The following MEF2A variants were observed in gnomAD, a reference collection of about 807,000 sequenced individuals.
The protein encoded by MEF2A is myocyte enhancer factor 2A.
MEF2A carries 28 observed loss-of-function variants against 55.8 expected under a neutral mutation model. The ratio of observed to expected loss-of-function variants is 0.50; its 90% CI spans 0.37 to 0.69. The LOEUF (loss-of-function observed/expected upper bound fraction) is 0.69, where lower values mean the gene tolerates loss of function less well. MEF2A is among the 30% of genes least tolerant of loss of function. The pLI is 0.00. For synonymous variants in MEF2A, 239 were observed against 227.1 expected, an observed-to-expected ratio of 1.05 and a Z score of -0.47; for missense variants, 528 against 626.2, an observed-to-expected ratio of 0.84 and a Z score of 1.67.
intron 2 of MEF2A, among the ~76,000 whole-genome samples, chr15:99,613,775 C>G (rs1440798413): frequency 1.3e-5 from 2 of 152,202 alleles, no homozygotes; most frequent in East Asian, 3.8e-4. Context: ...CCCATGGTAG[C>G]ATCAGATAAA....
chr15:99,592,576 G>A (rs1969688537), intron 1 of MEF2A, among the ~76,000 whole-genome samples: 1 of 152,194 alleles, frequency 6.6e-6, no homozygotes, highest in Admixed American at 6.5e-5. Context: ...TTCTGCAGAC[G>A]TACAAGAAGC....
At chr15:99,592,499 C>T (rs1596330944) in intron 1 of MEF2A, among the ~76,000 whole-genome samples, 1 of 152,230 alleles carries the variant, frequency 6.6e-6, no homozygotes, top group South Asian at 2.1e-4. Flanking sequence ...AGTCTGTTTG[C>T]ATTGCTGTAA....
At chr15:99,650,115 T>TA (rs539819251) in intron 4 of MEF2A, among the ~76,000 whole-genome samples, 4 of 150,296 alleles carry the variant, frequency 2.7e-5, no homozygotes, top group Admixed American at 1.3e-4. Flanking sequence ...CTACGGTACT[T>TA]AAAAAAAAAA....
intron 2 of MEF2A, among the ~76,000 whole-genome samples, chr15:99,602,529 T>C (rs1337940891): frequency 1.3e-5 from 2 of 152,128 alleles, no homozygotes; most frequent in African/African-American, 4.8e-5. Flanking sequence ...GATCACCAGC[T>C]TCAGGTGTTT....
At chr15:99,577,317 A>G (rs1006341291) in intron 1 of MEF2A, among the ~76,000 whole-genome samples, 3 of 152,242 alleles carry the variant, frequency 2.0e-5, no homozygotes, top group Non-Finnish European at 4.4e-5. Flanking sequence ...TTATTCTAGA[A>G]GAAACATAAA....
chr15:99,672,203 G>A (rs2051025828), intron 5 of MEF2A, among the ~76,000 whole-genome samples: 1 of 152,130 alleles, frequency 6.6e-6, no homozygotes, highest in African/African-American at 2.4e-5. Context: ...GTTTGTAAAT[G>A]TCCCCAAATC....
In MEF2A at chr15:99,600,422, G is replaced by A. The variant is rs182078128; in HGVS notation, c.-143+1911G>A. On this transcript the variant is annotated intron_variant, in intron 2 of 11. Transcript: ENST00000557942. Reference sequence around the variant, plus strand: ...TGAATAGATTCGTATGTTAACTGGCGAAGCTCAGATTAGAGATTTTCTTTA... The same window carrying A: ...TGAATAGATTCGTATGTTAACTGGCAAAGCTCAGATTAGAGATTTTCTTTA... Among the ~76,000 whole-genome samples, 15 of 152,196 alleles carry A rather than the reference G, an allele frequency of 9.9e-5. No homozygotes were observed. The East Asian group carries it at 1.5e-3, about 16-fold the overall frequency.
chr15:99,702,382 A>T (rs1758785370), intron 8 of MEF2A, among the ~76,000 whole-genome samples: 1 of 151,878 alleles, frequency 6.6e-6, no homozygotes, highest in South Asian at 2.1e-4. Context: ...TGTTTCTAGC[A>T]TGTTAATATT....
chr15:99,622,670 C>T (rs1349269252), intron 2 of MEF2A, among the ~76,000 whole-genome samples: 1 of 150,750 alleles, frequency 6.6e-6, no homozygotes, highest in Non-Finnish European at 1.5e-5. Context: ...GTACAGCCAT[C>T]ACCACCATCC....
rs1175982978 is a variant in MEF2A, at chr15:99,579,262, TTC to T, written c.-225+13160_-225+13161del. Among the ~76,000 whole-genome samples the T allele has an allele frequency of 3.3e-5, 5 of 152,152 alleles. No homozygotes were observed. In the East Asian group the frequency reaches 9.6e-4, roughly 29 times the overall value. ...CAAATGCTTGTTTGAATGTATTTAA[TTC>T]TGTTTAGAGTATTGGCTTATAGTTT... On this transcript the variant is annotated intron_variant, in intron 1 of 11. Transcript: ENST00000557942.
intron 9 of MEF2A, among the ~76,000 whole-genome samples, chr15:99,705,351 A>G (rs2057907071): frequency 6.6e-6 from 1 of 152,196 alleles, no homozygotes; most frequent in Non-Finnish European, 1.5e-5. Context: ...GACAATAAGG[A>G]TATTATCTTA....
intron 3 of MEF2A, among the ~76,000 whole-genome samples, chr15:99,634,014 A>G (rs2043352566): frequency 6.6e-6 from 1 of 152,210 alleles, no homozygotes; most frequent in South Asian, 2.1e-4. Context: ...AGTTCAGAAG[A>G]AAGAAGGAAA....
chr15:99,683,822 C>T (rs139675948), intron 7 of MEF2A, among the ~76,000 whole-genome samples: 2 of 152,056 alleles, frequency 1.3e-5, no homozygotes, highest in East Asian at 1.9e-4. Flanking sequence ...AGCAGTGTAC[C>T]CTGTACCCAA....
chr15:99,603,822 TTC>T (rs1463012365), intron 2 of MEF2A, among the ~76,000 whole-genome samples: 2 of 152,288 alleles, frequency 1.3e-5, no homozygotes, highest in East Asian at 3.9e-4. Flanking sequence ...CCTTTTGATT[TTC>T]TGTTTGTTTC....
At chr15:99,618,749 T>C (rs1338256133) in intron 2 of MEF2A, among the ~76,000 whole-genome samples, 1 of 152,210 alleles carries the variant, frequency 6.6e-6, no homozygotes, top group African/African-American at 2.4e-5. Context: ...ATGTTAAAAA[T>C]TGATGAATCT....
chr15:99,703,654 A>AT (rs3216755), intron 9 of MEF2A, among the ~76,000 whole-genome samples: 67 of 150,962 alleles, frequency 4.4e-4, no homozygotes, highest in Admixed American at 2.1e-3. Context: ...ATACTTGTTA[A>AT]TTTTTTTTTT....
chr15:99,626,080 T>C (rs1376390078), intron 2 of MEF2A, among the ~76,000 whole-genome samples: 1 of 152,182 alleles, frequency 6.6e-6, no homozygotes, highest in Non-Finnish European at 1.5e-5. Flanking sequence ...CCATTGAGTC[T>C]AAAGCTTTTC....
In MEF2A at chr15:99,712,062, G is replaced by T. The variant is rs1041233347; in HGVS notation, c.1137-328G>T. On this transcript the variant is annotated intron_variant, in intron 11 of 11. Transcript: ENST00000557942. The surrounding 1 kb of genome is among the most constrained non-coding windows in gnomAD (Gnocchi z 4.1). ...GAGGAAGAAGAGGCGGTGAGCAGAT[G>T]AGGCTGCTGTTCCTCTGTCTTTCTG... Among the ~76,000 whole-genome samples the T allele has an allele frequency of 3.9e-5, 6 of 152,374 alleles. No homozygotes were observed. In the East Asian group the frequency reaches 1.2e-3, roughly 29 times the overall value.
At chr15:99,612,624 G>C (rs903341842) in intron 2 of MEF2A, among the ~76,000 whole-genome samples, 5 of 152,138 alleles carry the variant, frequency 3.3e-5, no homozygotes, top group African/African-American at 1.2e-4. Flanking sequence ...GCTGAGATGA[G>C]AGGGTTCCTT....
Sources: gnomAD v4.1 joint callset for allele counts (sites outside exome capture counted in the v4.1 genomes callset) on GRCh38, gnomAD v4.1.1 for gene constraint, Gnocchi (gnomAD v3.1) non-coding constraint, MANE v1.5 for transcripts, NCBI Gene and HGNC (gene_info 2026-07-23, HGNC 2026-07-21) for gene names.